The following KRABD2 variants were observed in gnomAD, a reference collection of about 807,000 sequenced individuals.
The protein encoded by KRABD2 is KRAB domain containing 2.
At chr17:8,369,613 C>A in the KRABD2 span, 39 of 1,614,192 alleles carry the variant, frequency 2.4e-5, 2 homozygotes, top group South Asian at 4.1e-4. Flanking sequence ...TCATGAACAA[C>A]CTGGTTTGTG....
the KRABD2 span, among the ~76,000 whole-genome samples, chr17:8,364,408 G>A: frequency 2.0e-5 from 3 of 152,174 alleles, no homozygotes; most frequent in Middle Eastern, 3.4e-3. The surrounding 1 kb of genome is among the most constrained non-coding windows in gnomAD (Gnocchi z 4.4). Context: ...GCTGCAGTGT[G>A]GTGATACGAT....
the KRABD2 span, chr17:8,376,490 G>A: frequency 9.9e-7 from 1 of 1,005,402 alleles, no homozygotes; most frequent in Non-Finnish European, 1.2e-6. Context: ...CTGGGATGTC[G>A]CCTCCTTTGT....
chr17:8,363,830 C>CATACATATATATATATATAT, the KRABD2 span, among the ~76,000 whole-genome samples: 33 of 86,968 alleles, frequency 3.8e-4, no homozygotes, highest in African/African-American at 5.4e-4. Flanking sequence ...ATATATCATA[C>CATACATATATATATATATAT]ATATATATAT....
chr17:8,375,174 G>C, the KRABD2 span, among the ~76,000 whole-genome samples: 1 of 151,780 alleles, frequency 6.6e-6, no homozygotes, highest in Admixed American at 6.6e-5. Context: ...ACCAGGCCCA[G>C]CTAATTTTTT....
At chr17:8,375,137 G>C in the KRABD2 span, among the ~76,000 whole-genome samples, 2 of 151,204 alleles carry the variant, frequency 1.3e-5, no homozygotes, top group African/African-American at 4.9e-5. Flanking sequence ...TCAGCCTCCC[G>C]AGTGGCCGGG....
the KRABD2 span, among the ~76,000 whole-genome samples, chr17:8,360,265 C>G: frequency 6.6e-6 from 1 of 151,646 alleles, no homozygotes. Flanking sequence ...AAGGGAAACT[C>G]TAACTAGATC....
At chr17:8,374,382 AG>A in the KRABD2 span, among the ~76,000 whole-genome samples, 1 of 152,152 alleles carries the variant, frequency 6.6e-6, no homozygotes, top group Non-Finnish European at 1.5e-5. Context: ...AAATGGATTA[AG>A]GGCAGTGCAA....
the KRABD2 span, chr17:8,376,412 G>T: frequency 9.0e-7 from 1 of 1,105,512 alleles, no homozygotes; most frequent in South Asian, 4.5e-5. Flanking sequence ...TGCAGATAAG[G>T]CACTTAATAC....
chr17:8,369,252 T>G, the KRABD2 span: 4 of 1,614,256 alleles, frequency 2.5e-6, no homozygotes, highest in Non-Finnish European at 2.5e-6. Context: ...CCTTTCTTCC[T>G]GCCTGATCCA....
chr17:8,360,345 CTAA>C, the KRABD2 span, among the ~76,000 whole-genome samples: 309 of 151,898 alleles, frequency 2.0e-3, 2 homozygotes, highest in South Asian at 4.4e-3. Context: ...AAATATGATT[CTAA>C]AAGGCAAAGT....
chr17:8,376,329 A>C, the KRABD2 span: 367 of 1,217,508 alleles, frequency 3.0e-4, 2 homozygotes, highest in East Asian at 0.012. Context: ...CTGAGGCCTC[A>C]GTTTCCTCAT....
At chr17:8,369,575 C>G in the KRABD2 span, 7 of 1,614,234 alleles carry the variant, frequency 4.3e-6, no homozygotes, top group Non-Finnish European at 5.9e-6. Context: ...CAGATACAAT[C>G]TTTAGGTCTG....
the KRABD2 span, chr17:8,368,610 T>A: frequency 6.6e-6 from 1 of 152,494 alleles, no homozygotes; most frequent in Admixed American, 6.5e-5. Context: ...AGACTCAATT[T>A]CTGTTAAGTC....
the KRABD2 span, among the ~76,000 whole-genome samples, chr17:8,362,995 G>C: frequency 1.3e-5 from 2 of 152,214 alleles, no homozygotes; most frequent in East Asian, 3.9e-4. This position sits in a 1 kb window ranked among gnomAD's most constrained non-coding sequence, Gnocchi z 4.2. Flanking sequence ...TCTCTTGATA[G>C]GAAAGTGCAA....
chr17:8,361,333 G>A, the KRABD2 span, among the ~76,000 whole-genome samples: 64 of 152,248 alleles, frequency 4.2e-4, no homozygotes, highest in African/African-American at 1.5e-3. Flanking sequence ...ACTTTAAAAC[G>A]AGTTGGTTCA....
the KRABD2 span, chr17:8,376,699 A>C: frequency 1.0e-6 from 1 of 983,918 alleles, no homozygotes; most frequent in Non-Finnish European, 1.2e-6. Context: ...CCCGAGCAGC[A>C]ACTCCGCCCC....
the KRABD2 span, among the ~76,000 whole-genome samples, chr17:8,360,696 C>A: frequency 7.9e-5 from 12 of 152,204 alleles, no homozygotes; most frequent in African/African-American, 2.9e-4. Flanking sequence ...GGTTTCAAAT[C>A]AATTTCTATA....
the KRABD2 span, among the ~76,000 whole-genome samples, chr17:8,363,859 A>ATATATATATT: frequency 1.5e-4 from 11 of 74,962 alleles, no homozygotes; most frequent in East Asian, 3.5e-3. Flanking sequence ...ATATATATAT[A>ATATATATATT]TATTTATTTA....
chr17:8,376,287 A>G, the KRABD2 span: 70 of 1,227,800 alleles, frequency 5.7e-5, no homozygotes, highest in Non-Finnish European at 7.0e-5. Flanking sequence ...TCATTTGCTG[A>G]CTCTTATCAT....
Sources: gnomAD v4.1 joint callset for allele counts (sites outside exome capture counted in the v4.1 genomes callset) on GRCh38, gnomAD v4.1.1 for gene constraint, Gnocchi (gnomAD v3.1) non-coding constraint, MANE v1.5 for transcripts, NCBI Gene and HGNC (gene_info 2026-07-23, HGNC 2026-07-21) for gene names.